H3-3A: variants seen among roughly 807,000 people sequenced by gnomAD.
H3-3A encodes H3.3 histone A, also known as histone H3.3.
For synonymous variants in H3-3A, 49 were observed against 61.4 expected, an observed-to-expected ratio of 0.80 and a Z score of 0.95; for missense variants, 7 against 184.0, an observed-to-expected ratio of 0.04 and a Z score of 5.57.
chr1:226,064,571 C>T (rs994195867), intron 2 of H3-3A, 92 bp downstream of exon 2: 80 of 1,082,002 alleles, frequency 7.4e-5, no homozygotes, highest in Non-Finnish European at 1.0e-4. Context: ...AAACTTTTTG[C>T]TTTAGAGAAA....
At chr1:226,062,862 C>A in intron 1 of H3-3A, 51 bp downstream of exon 1, 1 of 157,204 alleles carries the variant, frequency 6.4e-6, no homozygotes. Flanking sequence ...CGCTTGCCGT[C>A]AGCCCCGAGC....
At chr1:226,064,796 A>C (rs900593938) in intron 2 of H3-3A, among the ~76,000 whole-genome samples, 6 of 152,224 alleles carry the variant, frequency 3.9e-5, no homozygotes, top group African/African-American at 1.4e-4. Context: ...AAAAATAGTT[A>C]AGTGTTGCTT....
chr1:226,069,984 A>G (rs1196004479), intron 3 of H3-3A, among the ~76,000 whole-genome samples: 2 of 152,230 alleles, frequency 1.3e-5, no homozygotes, highest in East Asian at 3.8e-4. Context: ...TTAAGTGTCA[A>G]TGAGTGATTC....
In H3-3A at chr1:226,071,693, G is replaced by A. The variant is rs1394371885; in HGVS notation, c.*214G>A. 1.9e-5 allele frequency: 6 copies of A among 313,016 alleles called. No homozygotes were observed. The highest frequency in any genetic ancestry group is 8.2e-4 in the Middle Eastern group (1 of 1,222). The allele number at this position is 313,016 out of a possible 1,614,324, so 19.4% of individuals were successfully genotyped here. On this transcript the variant is annotated 3_prime_UTR_variant, in exon 4 of 4. Coordinates refer to ENST00000366815, the MANE Select transcript of H3-3A (RefSeq NM_002107.7). ...GTGTGTGAATTTTTAATATAAATGC[G>A]GAGACGTAAAGCATTAATGCAAGTT...
chr1:226,061,909 CCT>C (rs1657717593), upstream of H3-3A: 1 of 152,126 alleles, frequency 6.6e-6, no homozygotes, highest in South Asian at 2.1e-4. Context: ...AGCCCCGTCC[CCT>C]GATCCCGGAG....
intron 3 of H3-3A, among the ~76,000 whole-genome samples, chr1:226,068,274 GAC>G (rs1657990982): frequency 6.6e-6 from 1 of 152,172 alleles, no homozygotes; most frequent in Admixed American, 6.5e-5. Flanking sequence ...GAGCTGACCA[GAC>G]ACAATCCTTA....
intron 3 of H3-3A, among the ~76,000 whole-genome samples, chr1:226,070,767 C>T (rs899114022): frequency 1.3e-5 from 1 of 75,364 alleles, no homozygotes; most frequent in Non-Finnish European, 2.7e-5. Context: ...AGTAAGACTC[C>T]ATCTCAGAAA....
intron 1 of H3-3A, chr1:226,064,016 A>G (rs1436501724): frequency 2.2e-5 from 4 of 181,448 alleles, no homozygotes; most frequent in South Asian, 1.8e-4. Flanking sequence ...GTTTACAGAC[A>G]TTTCTAATTA....
chr1:226,067,933 C>G (rs1400152642), intron 3 of H3-3A, among the ~76,000 whole-genome samples: 2 of 152,152 alleles, frequency 1.3e-5, no homozygotes, highest in African/African-American at 4.8e-5. Context: ...CATAGATAAT[C>G]AATAATTGAC....
chr1:226,065,407 AAAAT>A (rs1384474078), intron 2 of H3-3A, among the ~76,000 whole-genome samples: 2 of 152,234 alleles, frequency 1.3e-5, no homozygotes, highest in African/African-American at 4.8e-5. Flanking sequence ...TTTTAAAATG[AAAAT>A]AAATAGGGCT....
intron 3 of H3-3A, 169 bp downstream of exon 3, chr1:226,065,978 C>A: frequency 1.6e-6 from 1 of 639,776 alleles, no homozygotes; most frequent in Non-Finnish European, 2.8e-6. Flanking sequence ...AGGTCATACA[C>A]GTAGAAAATG....
chr1:226,062,607 A>C (rs917127289), upstream of H3-3A: 1 of 100,460 alleles, frequency 1.0e-5, no homozygotes, highest in African/African-American at 4.1e-5. Context: ...GGGGCGCGAG[A>C]GGAGCTATGG....
At chr1:226,065,148 C>G (rs547058848) in intron 2 of H3-3A, among the ~76,000 whole-genome samples, 1 of 152,312 alleles carries the variant, frequency 6.6e-6, no homozygotes, top group South Asian at 2.1e-4. Flanking sequence ...ACTGCACAAT[C>G]GGGTGTATTC....
At chr1:226,066,596 C>A in intron 3 of H3-3A, 1 of 152,294 alleles carries the variant, frequency 6.6e-6, no homozygotes, top group Non-Finnish European at 1.5e-5. Context: ...TAACATCAGT[C>A]ACTTAAGTAA....
chr1:226,067,388 T>C (rs540215894), intron 3 of H3-3A: 1 of 152,278 alleles, frequency 6.6e-6, no homozygotes, highest in South Asian at 2.1e-4. Flanking sequence ...GTGATCTTTG[T>C]TAAGCTTTTG....
At chr1:226,067,617 C>T (rs1657971548) in intron 3 of H3-3A, among the ~76,000 whole-genome samples, 1 of 151,934 alleles carries the variant, frequency 6.6e-6, no homozygotes, top group Non-Finnish European at 1.5e-5. Flanking sequence ...TGGCAGGCGC[C>T]TATAATCCCA....
intron 3 of H3-3A, among the ~76,000 whole-genome samples, chr1:226,067,490 A>G (rs1167110920): frequency 3.3e-5 from 5 of 152,064 alleles, no homozygotes; most frequent in African/African-American, 9.7e-5. Context: ...TGTAATCCCA[A>G]CACTTTGGGA....
upstream of H3-3A, chr1:226,062,239 C>G (rs1182261762): frequency 9.3e-5 from 14 of 150,306 alleles, no homozygotes; most frequent in East Asian, 2.4e-3. Flanking sequence ...CGCCGGGGCC[C>G]GCGCGGGGGC....
intron 2 of H3-3A, 77 bp downstream of exon 2, chr1:226,064,556 C>A: frequency 7.9e-7 from 1 of 1,261,920 alleles, no homozygotes; most frequent in Non-Finnish European, 1.1e-6. Flanking sequence ...AGATGGATAA[C>A]AGGAAAACTT....
Sources: allele counts gnomAD v4.1 joint callset (sites outside exome capture counted in the v4.1 genomes callset), GRCh38; gene constraint gnomAD v4.1.1; transcripts MANE v1.5; gene names NCBI Gene and HGNC (gene_info 2026-07-23, HGNC 2026-07-21).